LAD1: variants seen among roughly 807,000 people sequenced by gnomAD.
LAD1 encodes the protein ladinin 1.
Under a neutral mutation model 54.2 loss-of-function variants are expected in LAD1, and 53 were observed. The ratio of observed to expected loss-of-function variants is 0.98; its 90% CI spans 0.78 to 1.23. The LOEUF (loss-of-function observed/expected upper bound fraction) is 1.23, where lower values mean the gene tolerates loss of function less well. Among genes scored for constraint, LAD1 ranks in the 50% most tolerant of loss-of-function variants. The pLI is 0.00. For synonymous variants in LAD1, 231 were observed against 257.7 expected (o/e 0.90, Z 0.99); for missense variants, 637 against 653.3 (o/e 0.98, Z 0.27).
intron 1 of LAD1, among the ~76,000 whole-genome samples, chr1:201,395,868 C>A (rs1041322324): frequency 3.9e-5 from 6 of 152,196 alleles, no homozygotes; most frequent in African/African-American, 1.4e-4. Context: ...CTCTCAAAAG[C>A]ACCTACGCTT....
rs1186715235 is a variant in LAD1 at position 201,380,843 on chromosome 1, A to T, written c.*1045T>A. 6.6e-6 allele frequency: 1 copy of T among 152,232 alleles called. No individual in the cohort carries two copies. The highest frequency in any genetic ancestry group is 1.5e-5 in the Non-Finnish European group (1 of 68,046). 9.4% of individuals were successfully genotyped at this position (152,232 alleles called of 1,614,324 possible). A position where few individuals can be genotyped will look rare whatever the true frequency, so the allele number is the denominator to read the frequency against. ...CAGTCAATCAAGATGGAGAGTTCTA[A>T]TGATTTAAATTTTTGAAAAGTTGTA... On this transcript the variant is annotated 3_prime_UTR_variant, in exon 10 of 10. Transcript: ENST00000391967.
At chr1:201,382,874 C>A (rs772139910) in intron 7 of LAD1, 135 bp from the exon 8 acceptor site, 2 of 959,338 alleles carry the variant, frequency 2.1e-6, no homozygotes, top group Admixed American at 4.2e-5. Flanking sequence ...CCTGGGACAG[C>A]CCCCTCCCCT....
chr1:201,384,723 G>A (rs1377875576), intron 5 of LAD1, 69 bp downstream of exon 5: 3 of 1,497,022 alleles, frequency 2.0e-6, no homozygotes, highest in Middle Eastern at 3.7e-4. Context: ...AAGGAGGGCG[G>A]GTGCAGGTAC....
chr1:201,398,655 G>A (rs1201401090), intron 1 of LAD1, among the ~76,000 whole-genome samples: 1 of 152,154 alleles, frequency 6.6e-6, no homozygotes, highest in African/African-American at 2.4e-5. Flanking sequence ...GACCCTTTAG[G>A]AGACCAGTGT....
At chr1:201,390,795 G>A (rs1195393865) in intron 1 of LAD1, among the ~76,000 whole-genome samples, 1 of 152,136 alleles carries the variant, frequency 6.6e-6, no homozygotes, top group African/African-American at 2.4e-5. Context: ...TCTCCTGGGG[G>A]GCAAAGTCAC....
chr1:201,398,136 A>G (rs971957744), intron 1 of LAD1, among the ~76,000 whole-genome samples: 2 of 152,084 alleles, frequency 1.3e-5, no homozygotes, highest in African/African-American at 4.8e-5. Flanking sequence ...TGCTATGGAG[A>G]GGCTAAGCCT....
chr1:201,391,669 TA>T (rs1258117312), intron 1 of LAD1, among the ~76,000 whole-genome samples: 1 of 152,172 alleles, frequency 6.6e-6, no homozygotes, highest in East Asian at 1.9e-4. Context: ...AGGCCAAGAT[TA>T]TCAGAAAAGG....
At position 201,380,950 on chromosome 1, in the gene LAD1, T is replaced by C. The variant is rs1661940380; in HGVS notation, c.*938A>G. 1 of 150,620 alleles carries C rather than the reference T, an allele frequency of 6.6e-6. No homozygotes were observed. The highest frequency in any genetic ancestry group is 2.1e-4 in the South Asian group (1 of 4,704). 9.3% of individuals were successfully genotyped at this position (150,620 alleles called of 1,614,324 possible). A position where few individuals can be genotyped will look rare whatever the true frequency, so the allele number is the denominator to read the frequency against. On this transcript the variant is annotated 3_prime_UTR_variant, in exon 10 of 10. Transcript: ENST00000391967. ...TTCTAGATTCTCTGATGGTTCACCA[T>C]GCTCCAAGCTCATAGGAGCCATGAG...
chr1:201,385,359 C>G (rs1043949600), intron 4 of LAD1, among the ~76,000 whole-genome samples: 1 of 152,210 alleles, frequency 6.6e-6, no homozygotes, highest in Non-Finnish European at 1.5e-5. Flanking sequence ...CCTCCCCTCC[C>G]CTCCTAGACA....
chr1:201,387,188 A>C lies in LAD1; in HGVS notation c.183-10T>G, dbSNP rs1192455275. The C allele has an allele frequency of 6.7e-7, 1 of 1,497,140 alleles. No homozygotes were observed. The highest frequency in any genetic ancestry group is 1.4e-5 in the South Asian group (1 of 69,932). The allele number at this position is 1,497,140 out of a possible 1,614,324, so 92.7% of individuals were successfully genotyped here. ...TTCCACGCTCGGTAGTCTGAATCAG[A>C]AGATGGGAGACAGAATCAGAGGATA... On this transcript the variant is annotated splice_polypyrimidine_tract_variant and intron_variant, in intron 2 of 9. Coordinates refer to ENST00000391967, the MANE Select transcript of LAD1 (RefSeq NM_005558.4).
chr1:201,384,962 G>C, intron 4 of LAD1, 127 bp from the exon 5 acceptor site: 1 of 821,578 alleles, frequency 1.2e-6, no homozygotes, highest in East Asian at 2.5e-5. Context: ...TTCTACCAGG[G>C]GTCAACCCCA....
chr1:201,384,421 G>GC (rs1211899355), intron 5 of LAD1, among the ~76,000 whole-genome samples: 1 of 151,912 alleles, frequency 6.6e-6, no homozygotes, highest in African/African-American at 2.4e-5. Context: ...CAGACCCACA[G>GC]CCCCCCAACC....
intron 7 of LAD1, 75 bp from the exon 8 acceptor site, chr1:201,382,814 G>A: frequency 8.5e-7 from 1 of 1,182,188 alleles, no homozygotes; most frequent in African/African-American, 1.5e-5. Context: ...CCCTGGAATG[G>A]GATAGGACTC....
chr1:201,386,190 G>A, intron 3 of LAD1, 145 bp downstream of exon 3: 1 of 816,472 alleles, frequency 1.2e-6, no homozygotes, highest in Non-Finnish European at 1.8e-6. Flanking sequence ...CTAGAAGCAG[G>A]CAGGGAAAGA....
At chr1:201,392,527 C>T (rs139777684) in intron 1 of LAD1, among the ~76,000 whole-genome samples, 2 of 152,272 alleles carry the variant, frequency 1.3e-5, no homozygotes, top group African/African-American at 2.4e-5. Context: ...GAGCCAGATC[C>T]GTCAGCCAGT....
intron 1 of LAD1, chr1:201,391,153 A>G (rs2719184): frequency 0.19 from 85,214 of 456,172 alleles, 9,058 homozygotes; most frequent in Middle Eastern, 0.27. Flanking sequence ...TTTCAGATGG[A>G]AAGAGCTTCG....
chr1:201,394,887 T>C (rs1302139804), intron 1 of LAD1, among the ~76,000 whole-genome samples: 1 of 152,210 alleles, frequency 6.6e-6, no homozygotes, highest in Non-Finnish European at 1.5e-5. Context: ...CCAGGGTTCC[T>C]GGGTCTTGAG....
At chr1:201,382,199 C>G in intron 9 of LAD1, 53 bp downstream of exon 9, 1 of 1,453,152 alleles carries the variant, frequency 6.9e-7, no homozygotes. Flanking sequence ...TGGGGTCTCC[C>G]ACAGTACACC....
chr1:201,381,948 G>C (rs1305676645), intron 9 of LAD1, 55 bp from the exon 10 acceptor site: 2 of 1,589,824 alleles, frequency 1.3e-6, no homozygotes, highest in African/African-American at 2.7e-5. Flanking sequence ...GATGGAAGGG[G>C]AAGGGGGCCA....
Sources: allele counts gnomAD v4.1 joint callset (sites outside exome capture counted in the v4.1 genomes callset), GRCh38; gene constraint gnomAD v4.1.1; transcripts MANE v1.5; gene names NCBI Gene and HGNC (gene_info 2026-07-23, HGNC 2026-07-21).